TRABD2B: variants seen among roughly 807,000 people sequenced by gnomAD.
The protein encoded by TRABD2B is TraB domain containing 2B.
TRABD2B carries 14 observed loss-of-function variants against 40.1 expected under a neutral mutation model. The observed-to-expected ratio is 0.35, with a 90% confidence interval of 0.23 to 0.55. The LOEUF (loss-of-function observed/expected upper bound fraction) is 0.55. TRABD2B is among the 20% of genes least tolerant of loss of function. TRABD2B has a pLI of 0.90. For synonymous variants in TRABD2B, 263 were observed against 277.0 expected (o/e 0.95, Z 0.50); for missense variants, 541 against 648.6 (o/e 0.83, Z 1.80).
At chr1:47,842,019 G>T (rs551676909) in intron 2 of TRABD2B, among the ~76,000 whole-genome samples, 6 of 152,098 alleles carry the variant, frequency 3.9e-5, no homozygotes, top group South Asian at 2.1e-4. Flanking sequence ...TGATCCACCC[G>T]CCTCAGCCTC....
chr1:47,817,465 A>G (rs1645049687), intron 2 of TRABD2B, among the ~76,000 whole-genome samples: 1 of 151,826 alleles, frequency 6.6e-6, no homozygotes, highest in African/African-American at 2.4e-5. Flanking sequence ...CTCTACCTCC[A>G]ACTCCCACCT....
intron 4 of TRABD2B, among the ~76,000 whole-genome samples, chr1:47,781,240 G>A (rs3850884): frequency 0.041 from 6,196 of 152,282 alleles, 431 homozygotes; most frequent in East Asian, 0.29. Flanking sequence ...CCTCCTTGGA[G>A]ACCTGTGCAA....
At chr1:47,906,198 G>A (rs560073091) in intron 2 of TRABD2B, among the ~76,000 whole-genome samples, 2 of 152,292 alleles carry the variant, frequency 1.3e-5, no homozygotes, top group African/African-American at 4.8e-5. Context: ...TGGCTACATC[G>A]TGTGTTGTGC....
intron 2 of TRABD2B, among the ~76,000 whole-genome samples, chr1:47,817,079 AAG>A (rs944152816): frequency 6.6e-6 from 1 of 152,116 alleles, no homozygotes; most frequent in Admixed American, 6.5e-5. Flanking sequence ...TAAAGGGAAA[AAG>A]GGAATGGAGG....
At chr1:47,862,327 C>A (rs140637047) in intron 2 of TRABD2B, among the ~76,000 whole-genome samples, 2 of 151,988 alleles carry the variant, frequency 1.3e-5, no homozygotes, top group African/African-American at 2.4e-5. Flanking sequence ...TGATTATCTA[C>A]GTAGAAAATC....
intron 2 of TRABD2B, among the ~76,000 whole-genome samples, chr1:47,918,915 C>T (rs1215293686): frequency 1.3e-5 from 2 of 152,236 alleles, no homozygotes; most frequent in Non-Finnish European, 2.9e-5. Flanking sequence ...CCCCAGAAAA[C>T]CACATCAGGA....
intron 2 of TRABD2B, among the ~76,000 whole-genome samples, chr1:47,841,360 G>C (rs910666374): frequency 1.4e-4 from 21 of 152,206 alleles, no homozygotes; most frequent in African/African-American, 5.1e-4. Flanking sequence ...AACAAGATAA[G>C]ACTCCCTGCT....
At chr1:47,872,276 A>T (rs1039155605) in intron 2 of TRABD2B, among the ~76,000 whole-genome samples, 1 of 152,150 alleles carries the variant, frequency 6.6e-6, no homozygotes, top group Non-Finnish European at 1.5e-5. Flanking sequence ...TTTCTGGGTC[A>T]TGGCTCAGGC....
intron 2 of TRABD2B, among the ~76,000 whole-genome samples, chr1:47,945,466 T>C (rs996091187): frequency 1.3e-5 from 2 of 152,190 alleles, no homozygotes; most frequent in African/African-American, 4.8e-5. Context: ...TGCACCTTTT[T>C]TTGGTGTATG....
At chr1:47,928,486 C>G (rs1453440075) in intron 2 of TRABD2B, among the ~76,000 whole-genome samples, 2 of 152,234 alleles carry the variant, frequency 1.3e-5, no homozygotes, top group East Asian at 3.8e-4. Flanking sequence ...TCCACAACCT[C>G]TAAACTCCAC....
intron 2 of TRABD2B, among the ~76,000 whole-genome samples, chr1:47,931,268 G>C (rs1645036571): frequency 6.6e-6 from 1 of 152,172 alleles, no homozygotes; most frequent in Non-Finnish European, 1.5e-5. Context: ...TGGAGTCCTA[G>C]ATTGTTCTAG....
intron 2 of TRABD2B, among the ~76,000 whole-genome samples, chr1:47,848,605 A>G (rs1344558098): frequency 2.0e-5 from 3 of 152,232 alleles, no homozygotes; most frequent in African/African-American, 7.2e-5. Context: ...AGCATCTTCT[A>G]GTTTAAATTC....
chr1:47,803,138 C>T (rs2124293262), intron 2 of TRABD2B, among the ~76,000 whole-genome samples: 1 of 152,372 alleles, frequency 6.6e-6, no homozygotes, highest in African/African-American at 2.4e-5. Flanking sequence ...GCTGTCTCCT[C>T]CAGGAAGCTT....
chr1:47,769,105 T>C (rs1245628004), intron 6 of TRABD2B, among the ~76,000 whole-genome samples: 4 of 152,168 alleles, frequency 2.6e-5, no homozygotes, highest in Non-Finnish European at 5.9e-5. Context: ...CTGGAGGGGA[T>C]TAGTGCCTGT....
At chr1:47,981,312 C>A (rs941507193) in intron 2 of TRABD2B, among the ~76,000 whole-genome samples, 4 of 152,196 alleles carry the variant, frequency 2.6e-5, no homozygotes, top group Non-Finnish European at 5.9e-5. Context: ...CTGCACCCGG[C>A]CACATTCTCT....
At chr1:47,847,078 G>GC (rs1468024038) in intron 2 of TRABD2B, among the ~76,000 whole-genome samples, 1 of 152,162 alleles carries the variant, frequency 6.6e-6, no homozygotes, top group Non-Finnish European at 1.5e-5. Flanking sequence ...GGAGGTGTTG[G>GC]CCTTGGGAAA....
intron 2 of TRABD2B, among the ~76,000 whole-genome samples, chr1:47,900,844 C>T (rs1644590965): frequency 6.6e-6 from 1 of 152,120 alleles, no homozygotes; most frequent in Admixed American, 6.5e-5. Flanking sequence ...CTAACCATGA[C>T]ACTATTGGAG....
At chr1:47,862,636 T>C (rs1050002312) in intron 2 of TRABD2B, among the ~76,000 whole-genome samples, 1 of 152,118 alleles carries the variant, frequency 6.6e-6, no homozygotes, top group East Asian at 1.9e-4. Flanking sequence ...AGGAAGACAA[T>C]ATTTTCAAGA....
Position 47,994,983 on chromosome 1 carries a change from G to A in TRABD2B, c.103-386C>T, listed in dbSNP as rs527899877. Reference sequence around the variant, plus strand: ...CTCATGATTAGCGTTCCCTGTGAGTGCCAAGGACTGCCACACCACCTGAGA... The same window carrying A: ...CTCATGATTAGCGTTCCCTGTGAGTACCAAGGACTGCCACACCACCTGAGA... On this transcript the variant is annotated intron_variant, in intron 1 of 6. Transcript: ENST00000606738. The surrounding 1 kb of genome is among the most constrained non-coding windows in gnomAD (Gnocchi z 6.7). 1.9e-4 allele frequency among the ~76,000 whole-genome samples: 29 copies of A among 152,324 alleles called. No individual in the cohort carries two copies. In the South Asian group the frequency reaches 2.9e-3, roughly 15 times the overall value.
Sources: allele counts gnomAD v4.1 joint callset (sites outside exome capture counted in the v4.1 genomes callset), GRCh38; gene constraint gnomAD v4.1.1; non-coding constraint Gnocchi (gnomAD v3.1); transcripts MANE v1.5; gene names NCBI Gene and HGNC (gene_info 2026-07-23, HGNC 2026-07-21).